Variants in CHL1 observed in about 807,000 individuals in gnomAD.
The protein encoded by CHL1 is cell adhesion molecule L1 like, also known as neural cell adhesion molecule L1-like protein.
A neutral mutation model predicts 141.9 loss-of-function variants in CHL1; 96 were observed. The ratio of observed to expected loss-of-function variants is 0.68; its 90% CI spans 0.57 to 0.80. The LOEUF is 0.80. Ranked by LOEUF, CHL1 falls within the 30% of genes least tolerant of loss-of-function variation. CHL1 has a pLI of 0.00. For missense variants in CHL1, 1,820 were observed against 1,457.2 expected (o/e 1.25, Z -4.05); for synonymous variants, 613 against 502.2 (o/e 1.22, Z -2.95).
At chr3:325,687 C>G (rs753898653) in intron 3 of CHL1, among the ~76,000 whole-genome samples, 4 of 151,934 alleles carry the variant, frequency 2.6e-5, no homozygotes, top group Non-Finnish European at 5.9e-5. Flanking sequence ...ATTGTGATGA[C>G]ATAGCAACTT....
chr3:202,514 A>C (rs980584662), intron 1 of CHL1, among the ~76,000 whole-genome samples: 1 of 152,232 alleles, frequency 6.6e-6, no homozygotes, highest in African/African-American at 2.4e-5. Flanking sequence ...CTGTAAAGCT[A>C]CCAACCCAAA....
At chr3:228,830 TC>T (rs1466420986) in intron 1 of CHL1, among the ~76,000 whole-genome samples, 2 of 152,172 alleles carry the variant, frequency 1.3e-5, no homozygotes, top group African/African-American at 2.4e-5. Context: ...GTCTTCTGGT[TC>T]CTAATGGTTG....
rs372855968 is a variant in CHL1, at chr3:312,323, C to T, written c.-94-7360C>T. On this transcript the variant is annotated intron_variant, in intron 2 of 27. Coordinates refer to ENST00000256509, the MANE Select transcript of CHL1 (RefSeq NM_006614.4). ...TCTAAGCAGTTCTTTTGTCGTGTCACTGCGGTGTTATGAGACATGAAAGAG... is the reference window on the plus strand; with the variant it reads ...TCTAAGCAGTTCTTTTGTCGTGTCATTGCGGTGTTATGAGACATGAAAGAG... 1.5e-4 allele frequency among the ~76,000 whole-genome samples: 23 copies of T among 152,308 alleles called. No individual in the cohort carries two copies. The South Asian group carries it at 1.7e-3, about 11-fold the overall frequency.
intron 12 of CHL1, among the ~76,000 whole-genome samples, chr3:360,680 G>A (rs1488935421): frequency 7.4e-5 from 11 of 149,138 alleles, no homozygotes; most frequent in Non-Finnish European, 1.0e-4. Context: ...ATGCTGGTGC[G>A]CTGCACCCAC....
chr3:399,673 C>G (rs1035880773), intron 26 of CHL1, among the ~76,000 whole-genome samples: 2 of 152,098 alleles, frequency 1.3e-5, no homozygotes, highest in Non-Finnish European at 2.9e-5. Context: ...TAGGCTCTAA[C>G]AAGGTTGATA....
intron 2 of CHL1, among the ~76,000 whole-genome samples, chr3:274,872 T>C (rs934159423): frequency 1.3e-5 from 2 of 152,234 alleles, no homozygotes; most frequent in Non-Finnish European, 1.5e-5. Context: ...TCCTGTTGCT[T>C]TCTGTATATA....
intron 1 of CHL1, chr3:217,578 G>A (rs1466627927): frequency 6.6e-6 from 1 of 152,448 alleles, no homozygotes; most frequent in Non-Finnish European, 1.5e-5. Flanking sequence ...GAAGAGCAGA[G>A]TTCCCAGCAG....
intron 1 of CHL1, among the ~76,000 whole-genome samples, chr3:227,133 A>G (rs1701426086): frequency 6.6e-6 from 1 of 152,190 alleles, no homozygotes; most frequent in Non-Finnish European, 1.5e-5. Context: ...CATCCCATGC[A>G]CATCTTACTT....
chr3:338,910 C>T (rs565933401), intron 5 of CHL1, among the ~76,000 whole-genome samples: 79 of 152,216 alleles, frequency 5.2e-4, no homozygotes, highest in Non-Finnish European at 9.6e-4. Context: ...TTTTTTTTAA[C>T]GCTCTCAGGG....
In CHL1 at chr3:344,669, A is replaced by G. The variant is rs1051310052; in HGVS notation, c.808A>G (p.Lys270Glu). ...CAGTGAGTCTTCAATTACCATCCTC[A>G]AAGGGGAAATCTTGCTGCTTGAGTG... Reference protein sequence around the residue: ...SGSESSITILKGEILLLECFA... With the variant: ...SGSESSITILEGEILLLECFA... The change falls in exon 9 of 28, where the codon AAA becomes GAA. Residue 270 changes from lysine (K) to glutamate (E), a missense_variant. Lys to Glu is a moderately conservative substitution (Grantham distance 56). Coordinates refer to ENST00000256509, the MANE Select transcript of CHL1 (RefSeq NM_006614.4). The G allele has an allele frequency of 3.1e-6, 5 of 1,613,620 alleles. No homozygotes were observed. In the African/African-American group the frequency reaches 4.0e-5, roughly 13 times the overall value.
At position 382,336 on chromosome 3, in the gene CHL1, G is replaced by A. The variant is rs116732935; in HGVS notation, c.1978+56G>A. ...ACTCTAGATAGTCAAAATTAATAGCGAAGTCACTTTTTAACCACTCTTACT... is the reference window on the plus strand; with the variant it reads ...ACTCTAGATAGTCAAAATTAATAGCAAAGTCACTTTTTAACCACTCTTACT... On this transcript the variant is annotated intron_variant, in intron 17 of 27. Coordinates refer to ENST00000256509, the MANE Select transcript of CHL1 (RefSeq NM_006614.4). The A allele has an allele frequency of 5.4e-3, 8,299 of 1,525,616 alleles. 69 individuals carry two copies. The highest frequency in any genetic ancestry group is 5.3e-3 in the Non-Finnish European group (5,812 of 1,105,430). 94.5% of individuals were successfully genotyped at this position (1,525,616 alleles called of 1,614,324 possible). A position where few individuals can be genotyped will look rare whatever the true frequency, so the allele number is the denominator to read the frequency against.
intron 27 of CHL1, among the ~76,000 whole-genome samples, chr3:404,971 G>C (rs1379259609): frequency 1.3e-5 from 2 of 152,134 alleles, no homozygotes; most frequent in African/African-American, 2.4e-5. Context: ...GGTGACAGAT[G>C]GCACCTTCTC....
chr3:348,767 G>A (rs754013787), intron 9 of CHL1, among the ~76,000 whole-genome samples: 4 of 152,178 alleles, frequency 2.6e-5, no homozygotes, highest in Non-Finnish European at 4.4e-5. Context: ...GGGCGAGAAC[G>A]TGATCCAGGA....
intron 2 of CHL1, among the ~76,000 whole-genome samples, chr3:297,806 C>G (rs1698334941): frequency 6.6e-6 from 1 of 152,186 alleles, no homozygotes; most frequent in South Asian, 2.1e-4. Context: ...ATTGAAAAAA[C>G]AGACCCTTGG....
At position 203,332 on chromosome 3, in the gene CHL1, G is replaced by A. The variant is rs141335701; in HGVS notation, c.-175+6269G>A. On this transcript the variant is annotated intron_variant, in intron 1 of 27. Transcript: ENST00000256509. Reference sequence around the variant, plus strand: ...TTCATATTTCTGGCTTATCTTAAAAGGATTGATGTTCTCACAGTATTGGAC... The same window carrying A: ...TTCATATTTCTGGCTTATCTTAAAAAGATTGATGTTCTCACAGTATTGGAC... Among the ~76,000 whole-genome samples the A allele has an allele frequency of 2.9e-3, 446 of 152,346 alleles. 1 individual carries two copies. Among genetic ancestry groups the A allele is most frequent in the African/African-American group, 9.9e-3 (412 of 41,572 alleles).
At chr3:226,175 T>C (rs1444926026) in intron 1 of CHL1, among the ~76,000 whole-genome samples, 2 of 149,748 alleles carry the variant, frequency 1.3e-5, no homozygotes, top group South Asian at 2.1e-4. Context: ...CATGCACCAC[T>C]ATGCCCAGCT....
chr3:310,290 A>G (rs1699651833), intron 2 of CHL1, among the ~76,000 whole-genome samples: 1 of 151,904 alleles, frequency 6.6e-6, no homozygotes, highest in Non-Finnish European at 1.5e-5. Flanking sequence ...AATTAGCTGC[A>G]TGTGGTGGCG....
chr3:384,504 G>A (rs1000408166), intron 19 of CHL1: 15 of 151,980 alleles, frequency 9.9e-5, no homozygotes, highest in African/African-American at 3.1e-4. Flanking sequence ...ACATATCTCG[G>A]TTAAATGTTA....
intron 2 of CHL1, among the ~76,000 whole-genome samples, chr3:268,738 G>T (rs549891767): frequency 1.3e-5 from 2 of 152,156 alleles, no homozygotes; most frequent in South Asian, 2.1e-4. Context: ...TTATAGTCTT[G>T]TTAGCATACA....
Sources: gnomAD v4.1 joint callset for allele counts (sites outside exome capture counted in the v4.1 genomes callset) on GRCh38, gnomAD v4.1.1 for gene constraint, MANE v1.5 for transcripts, NCBI Gene and HGNC (gene_info 2026-07-23, HGNC 2026-07-21) for gene names.